HPSE2: variants seen among roughly 807,000 people sequenced by gnomAD.
HPSE2 encodes heparanase 2 (inactive), also known as inactive heparanase-2.
In HPSE2, 38 loss-of-function variants were observed where a neutral mutation model predicts 60.5. The ratio of observed to expected loss-of-function variants is 0.63; its 90% CI spans 0.48 to 0.82. The LOEUF (loss-of-function observed/expected upper bound fraction) is 0.82. Among genes scored for constraint, HPSE2 ranks in the 40% least tolerant of loss-of-function variants. The probability of loss-of-function intolerance (pLI) is 0.00; values close to 1 mark genes in which losing one functional copy is unlikely to be tolerated. For synonymous variants in HPSE2, 295 were observed against 293.2 expected, an observed-to-expected ratio of 1.01 and a Z score of -0.06; for missense variants, 713 against 740.4, an observed-to-expected ratio of 0.96 and a Z score of 0.43.
chr10:99,172,195 ACCCATTAGTC>A (rs1255788704), intron 2 of HPSE2, among the ~76,000 whole-genome samples: 1 of 152,020 alleles, frequency 6.6e-6, no homozygotes, highest in Non-Finnish European at 1.5e-5. Context: ...TCCTTCTCTC[ACCCATTAGTC>A]CCCAGCGTGT....
intron 5 of HPSE2, among the ~76,000 whole-genome samples, chr10:98,708,588 T>G (rs529258196): frequency 6.6e-6 from 1 of 152,196 alleles, no homozygotes; most frequent in Non-Finnish European, 1.5e-5. Flanking sequence ...TTATTAAGTA[T>G]GTGCTCATGT....
intron 4 of HPSE2, among the ~76,000 whole-genome samples, chr10:98,725,108 T>G (rs1181098912): frequency 6.6e-6 from 1 of 152,156 alleles, no homozygotes; most frequent in African/African-American, 2.4e-5. Context: ...AAGCTACCAA[T>G]GACTTTCTTC....
At chr10:98,714,338 C>T (rs572090767) in intron 5 of HPSE2, among the ~76,000 whole-genome samples, 3 of 151,912 alleles carry the variant, frequency 2.0e-5, no homozygotes, top group African/African-American at 7.2e-5. Context: ...CAAAAAGAAA[C>T]CCTGTATCCA....
chr10:98,933,457 T>C (rs930276061), intron 3 of HPSE2, among the ~76,000 whole-genome samples: 1 of 144,362 alleles, frequency 6.9e-6, no homozygotes, highest in Admixed American at 6.9e-5. Context: ...GTTCTATAGA[T>C]ATCTATCAGG....
chr10:98,963,006 G>A lies in HPSE2; in HGVS notation c.610+181232C>T, dbSNP rs561286427. On this transcript the variant is annotated intron_variant, in intron 3 of 11. Coordinates refer to ENST00000370552, the MANE Select transcript of HPSE2 (RefSeq NM_021828.5). ...TCTACAGAGCACATTCTCTGTGAAT[G>A]TTTGTTGAATTGAAAACTTGATTCA... Among the ~76,000 whole-genome samples the A allele has an allele frequency of 2.6e-5, 4 of 152,272 alleles. No homozygotes were observed. In the South Asian group the frequency reaches 8.3e-4, roughly 32 times the overall value.
intron 3 of HPSE2, among the ~76,000 whole-genome samples, chr10:98,916,391 C>T (rs965873450): frequency 3.9e-5 from 6 of 152,162 alleles, no homozygotes; most frequent in Non-Finnish European, 5.9e-5. Context: ...ATTTGACATC[C>T]AGTTAGGTGA....
intron 3 of HPSE2, among the ~76,000 whole-genome samples, chr10:98,859,643 C>G (rs1263389922): frequency 6.6e-6 from 1 of 152,140 alleles, no homozygotes; most frequent in Admixed American, 6.6e-5. Flanking sequence ...TCTCCCTTTC[C>G]AGGTTCTCAG....
chr10:99,197,226 G>T (rs891073416), intron 2 of HPSE2, among the ~76,000 whole-genome samples: 2 of 152,108 alleles, frequency 1.3e-5, no homozygotes, highest in Non-Finnish European at 2.9e-5. Flanking sequence ...GGCTGGGAAG[G>T]GTCATGGGGG....
At chr10:99,195,989 G>A (rs1293705987) in intron 2 of HPSE2, among the ~76,000 whole-genome samples, 2 of 152,022 alleles carry the variant, frequency 1.3e-5, no homozygotes, top group Non-Finnish European at 2.9e-5. Flanking sequence ...AAAACAGCAT[G>A]GTAGTGGCAT....
At chr10:99,239,290 T>C (rs374863220), upstream of HPSE2, among the ~76,000 whole-genome samples, 107 of 152,256 alleles carry the variant, frequency 7.0e-4, no homozygotes, top group African/African-American at 2.5e-3. Context: ...ATTGCTTTGA[T>C]ATCTAAGAGC....
At chr10:98,489,922 G>A (rs1382841586) in intron 10 of HPSE2, 129 bp downstream of exon 10, 2 of 958,432 alleles carry the variant, frequency 2.1e-6, no homozygotes, top group South Asian at 1.3e-5. Flanking sequence ...CAAAGAGCAG[G>A]TATGGTGATT....
chr10:98,887,180 A>G (rs914682402), intron 3 of HPSE2, among the ~76,000 whole-genome samples: 13 of 152,122 alleles, frequency 8.5e-5, no homozygotes, highest in African/African-American at 2.7e-4. Flanking sequence ...TCATTTTTTC[A>G]GGTCAAGGCT....
chr10:99,002,401 C>A (rs1019770717), intron 3 of HPSE2, among the ~76,000 whole-genome samples: 3 of 152,070 alleles, frequency 2.0e-5, no homozygotes, highest in African/African-American at 4.8e-5. Flanking sequence ...TAACTTTACA[C>A]TGGAGAAACC....
intron 3 of HPSE2, among the ~76,000 whole-genome samples, chr10:98,946,888 C>A (rs1032844027): frequency 3.7e-4 from 56 of 152,014 alleles, no homozygotes; most frequent in African/African-American, 1.4e-3. Context: ...ATCATCTTCA[C>A]GTGAGCAATT....
chr10:98,529,746 C>G (rs1943075835), intron 9 of HPSE2, among the ~76,000 whole-genome samples: 1 of 152,188 alleles, frequency 6.6e-6, no homozygotes, highest in South Asian at 2.1e-4. Context: ...CTTATTACCA[C>G]CAAATCTATG....
chr10:98,826,215 A>G (rs1203247345), intron 3 of HPSE2, among the ~76,000 whole-genome samples: 1 of 152,220 alleles, frequency 6.6e-6, no homozygotes, highest in Non-Finnish European at 1.5e-5. Flanking sequence ...AGTACATAGC[A>G]GATGCTCAAT....
chr10:98,610,588 A>G (rs991181106), intron 9 of HPSE2, among the ~76,000 whole-genome samples: 2 of 152,194 alleles, frequency 1.3e-5, no homozygotes, highest in Non-Finnish European at 2.9e-5. Context: ...TTCATCAGGG[A>G]AAGTAGGCAA....
intron 9 of HPSE2, among the ~76,000 whole-genome samples, chr10:98,551,741 C>A (rs889606695): frequency 1.3e-5 from 2 of 151,998 alleles, no homozygotes; most frequent in African/African-American, 4.8e-5. Context: ...CTAATAAATT[C>A]TTTTTTTTCT....
chr10:98,547,431 C>G (rs1222667622), intron 9 of HPSE2, among the ~76,000 whole-genome samples: 6 of 150,440 alleles, frequency 4.0e-5, no homozygotes, highest in Non-Finnish European at 7.4e-5. Context: ...ATAGATTGGA[C>G]TAAGAAAATG....
Sources: gnomAD v4.1 joint callset for allele counts (sites outside exome capture counted in the v4.1 genomes callset) on GRCh38, gnomAD v4.1.1 for gene constraint, MANE v1.5 for transcripts, NCBI Gene and HGNC (gene_info 2026-07-23, HGNC 2026-07-21) for gene names.